OVOL2: variants seen among roughly 807,000 people sequenced by gnomAD.
The protein encoded by OVOL2 is transcription factor Ovo-like 2.
Under a neutral mutation model 18.1 loss-of-function variants are expected in OVOL2, and 13 were observed. That is an observed-to-expected ratio of 0.72 (90% confidence interval 0.47 to 1.14). The LOEUF (loss-of-function observed/expected upper bound fraction) is 1.14. OVOL2 is among the 50% of genes most tolerant of loss of function. The probability of loss-of-function intolerance (pLI) is 0.00; values close to 1 mark genes in which losing one functional copy is unlikely to be tolerated. For synonymous variants in OVOL2, 166 were observed against 162.7 expected, an observed-to-expected ratio of 1.02 and a Z score of -0.16; for missense variants, 335 against 383.0, an observed-to-expected ratio of 0.87 and a Z score of 1.05.
rs139712390 is a variant in OVOL2, at chr20:18,035,630, C to T, written c.511+5904G>A. Among the ~76,000 whole-genome samples, 553 of 152,314 alleles carry T rather than the reference C, an allele frequency of 3.6e-3. 3 individuals carry two copies. Among genetic ancestry groups the T allele is most frequent in the African/African-American group, 0.012 (511 of 41,556 alleles). The stretch of plus-strand genomic sequence containing the variant: ...TTTGGACAGAGCTGAAGAGATGGCT[C>T]GGCAAGCCTGTTCCTCTGAGCTTGC... On this transcript the variant is annotated intron_variant, in intron 3 of 3. Coordinates refer to ENST00000278780, the MANE Select transcript of OVOL2 (RefSeq NM_021220.4).
chr20:18,051,718 G>A (rs1437923813), intron 2 of OVOL2, among the ~76,000 whole-genome samples: 5 of 152,082 alleles, frequency 3.3e-5, no homozygotes, highest in African/African-American at 1.2e-4. Flanking sequence ...TTGAAATGTC[G>A]CTAGTAGGAC....
At chr20:18,025,394 C>T (rs923586563) in intron 3 of OVOL2, among the ~76,000 whole-genome samples, 1 of 152,042 alleles carries the variant, frequency 6.6e-6, no homozygotes, top group African/African-American at 2.4e-5. Context: ...ATGGTGAAAC[C>T]CCGTCTCTAC....
intron 2 of OVOL2, among the ~76,000 whole-genome samples, chr20:18,042,226 T>G (rs903820338): frequency 2.0e-5 from 3 of 151,826 alleles, no homozygotes; most frequent in Non-Finnish European, 4.4e-5. Context: ...TGCTCCCACT[T>G]TTTATTCTCC....
At chr20:18,028,336 C>A (rs6045145) in intron 3 of OVOL2, among the ~76,000 whole-genome samples, 23,480 of 151,660 alleles carry the variant, frequency 0.15, 1,997 homozygotes, top group Middle Eastern at 0.21. Flanking sequence ...GCCACAACAG[C>A]CATCTAATTT....
Position 18,057,575 on chromosome 20 carries a change from A to C in OVOL2, c.60T>G (p.Asp20Glu), listed in dbSNP as rs1469010747. The change falls in exon 1 of 4, where the codon GAT (aspartate) becomes GAG (glutamate). Residue 20 changes from aspartate to glutamate, a missense_variant. Asp to Glu is a conservative substitution (Grantham distance 45, BLOSUM62 2). Transcript: ENST00000278780. The surrounding 1 kb of genome is among the most constrained non-coding windows in gnomAD (Gnocchi z 6.3). ...RSLGVSVRSW[D>E]ELPDEKRADT... ...CTGCCCTTTTCTCATCCGGGAGCTC[A>C]TCCCAGCTGCGGACCGAGACCCCCA... 1 of 1,595,936 alleles carries C rather than the reference A, an allele frequency of 6.3e-7. No individual in the cohort carries two copies. The highest frequency in any genetic ancestry group is 8.5e-7 in the Non-Finnish European group (1 of 1,171,468).
At chr20:18,034,965 TCCTCGGC>T (rs1293935118) in intron 3 of OVOL2, among the ~76,000 whole-genome samples, 1 of 152,086 alleles carries the variant, frequency 6.6e-6, no homozygotes, top group Non-Finnish European at 1.5e-5. Flanking sequence ...CAACAAAGGG[TCCTCGGC>T]CCTGGGTCCT....
rs2036826765 is a variant in OVOL2 at position 18,056,527 on chromosome 20, G to C, written c.321+130C>G. On this transcript the variant is annotated intron_variant, in intron 2 of 3. Coordinates refer to ENST00000278780, the MANE Select transcript of OVOL2 (RefSeq NM_021220.4). This position sits in a 1 kb window ranked among gnomAD's most constrained non-coding sequence, Gnocchi z 4.2. ...CCGCCCAGGGGCAGGTGCAGGAGCG[G>C]CGCGGCGGGCGCGCTCGGGGCGCGG... The C allele has an allele frequency of 9.7e-7, 1 of 1,030,996 alleles. No homozygotes were observed. The highest frequency in any genetic ancestry group is 1.2e-6 in the Non-Finnish European group (1 of 861,050). 63.9% of individuals were successfully genotyped at this position (1,030,996 alleles called of 1,614,324 possible).
At chr20:18,049,687 A>G (rs547197342) in intron 2 of OVOL2, among the ~76,000 whole-genome samples, 1 of 152,312 alleles carries the variant, frequency 6.6e-6, no homozygotes, top group South Asian at 2.1e-4. Context: ...TGAGGCCCAA[A>G]GAGATATGAC....
At chr20:18,050,005 T>G (rs928744433) in intron 2 of OVOL2, among the ~76,000 whole-genome samples, 3 of 152,186 alleles carry the variant, frequency 2.0e-5, no homozygotes, top group East Asian at 1.9e-4. Flanking sequence ...GTTTTGCCAC[T>G]AACAACTTTG....
At chr20:18,027,669 C>T (rs2036532260) in intron 3 of OVOL2, among the ~76,000 whole-genome samples, 1 of 152,010 alleles carries the variant, frequency 6.6e-6, no homozygotes, top group Non-Finnish European at 1.5e-5. Context: ...CATCTCGGCT[C>T]ACTGCAAGCT....
Position 18,024,450 on chromosome 20 carries a change from G to A in OVOL2, c.*186C>T. 1 of 1,300,108 alleles carries A rather than the reference G, an allele frequency of 7.7e-7. No homozygotes were observed. Among genetic ancestry groups the A allele is most frequent in the Non-Finnish European group, 1.0e-6 (1 of 983,424 alleles). 80.5% of individuals were successfully genotyped at this position (1,300,108 alleles called of 1,614,324 possible). ...GCGCCAGACAGGACACAGGTTACAG[G>A]GCCTGACGTCACTAACGGCAACTGA... On this transcript the variant is annotated 3_prime_UTR_variant, in exon 4 of 4. Coordinates refer to ENST00000278780, the MANE Select transcript of OVOL2 (RefSeq NM_021220.4).
rs565210155 is a variant in OVOL2, at chr20:18,026,572, G to A, written c.512-1620C>T. ...AATTTTTTGTATCTTTAGTAGAGACGGGGTTTCACCATGTTAGCCAGAATG... is the reference window on the plus strand; with the variant it reads ...AATTTTTTGTATCTTTAGTAGAGACAGGGTTTCACCATGTTAGCCAGAATG... On this transcript the variant is annotated intron_variant, in intron 3 of 3. Coordinates refer to ENST00000278780, the MANE Select transcript of OVOL2 (RefSeq NM_021220.4). Among the ~76,000 whole-genome samples, 623 of 152,116 alleles carry A rather than the reference G, an allele frequency of 4.1e-3. 1 individual carries two copies. The highest frequency in any genetic ancestry group is 6.0e-3 in the Non-Finnish European group (410 of 67,994).
intron 2 of OVOL2, among the ~76,000 whole-genome samples, chr20:18,045,471 C>T (rs1351772947): frequency 1.3e-5 from 2 of 152,148 alleles, no homozygotes; most frequent in African/African-American, 2.4e-5. Flanking sequence ...GAATGCAATA[C>T]AGATGCCTTC....
intron 3 of OVOL2, among the ~76,000 whole-genome samples, chr20:18,030,003 A>G (rs2036553781): frequency 6.6e-6 from 1 of 151,872 alleles, no homozygotes; most frequent in South Asian, 2.1e-4. Flanking sequence ...AAACAAACCA[A>G]CCCTCACCAA....
intron 3 of OVOL2, among the ~76,000 whole-genome samples, chr20:18,026,153 C>T (rs996107231): frequency 1.8e-4 from 27 of 152,176 alleles, no homozygotes; most frequent in African/African-American, 5.3e-4. Flanking sequence ...AAAGCATTGC[C>T]GCTCCTACCT....
intron 3 of OVOL2, among the ~76,000 whole-genome samples, chr20:18,029,262 C>T (rs1484661414): frequency 6.6e-6 from 1 of 152,088 alleles, no homozygotes; most frequent in Non-Finnish European, 1.5e-5. Context: ...CTCCTGACCT[C>T]AGGAGATCCA....
upstream of OVOL2, chr20:18,057,978 T>TATG: frequency 1.2e-6 from 1 of 866,792 alleles, no homozygotes. The surrounding 1 kb of genome is among the most constrained non-coding windows in gnomAD (Gnocchi z 6.3). Context: ...GTCCGACCGG[T>TATG]TCCGGCGGCC....
At position 18,057,109 on chromosome 20, in the gene OVOL2, G is replaced by T. The variant is rs1179801205; in HGVS notation, c.101-232C>A. Among the ~76,000 whole-genome samples the T allele has an allele frequency of 2.0e-5, 3 of 152,202 alleles. No individual in the cohort carries two copies. The highest frequency in any genetic ancestry group is 4.4e-5 in the Non-Finnish European group (3 of 68,028). ...CCAAGGCGCCCACGAGGAACCGGGC[G>T]GCCACGAGCGGCGGAGGACCCCGCG... On this transcript the variant is annotated intron_variant, in intron 1 of 3. Coordinates refer to ENST00000278780, the MANE Select transcript of OVOL2 (RefSeq NM_021220.4). This position sits in a 1 kb window ranked among gnomAD's most constrained non-coding sequence, Gnocchi z 6.3.
In OVOL2 at chr20:18,057,768, C is replaced by A; in HGVS notation, c.-134G>T. On this transcript the variant is annotated 5_prime_UTR_variant, in exon 1 of 4. Transcript: ENST00000278780. This position sits in a 1 kb window ranked among gnomAD's most constrained non-coding sequence, Gnocchi z 6.3. ...GCCTCGCCTGCCCTCTTCCTCCACC[C>A]CCCGCCGCGGCGCGGCCCAGGCCTC... 2 of 1,410,744 alleles carry A rather than the reference C, an allele frequency of 1.4e-6. No homozygotes were observed. Among genetic ancestry groups the A allele is most frequent in the South Asian group, 3.1e-5 (2 of 64,790 alleles). 87.4% of individuals were successfully genotyped at this position (1,410,744 alleles called of 1,614,324 possible). A position where few individuals can be genotyped will look rare whatever the true frequency, so the allele number is the denominator to read the frequency against.
Sources: gnomAD v4.1 joint callset for allele counts (sites outside exome capture counted in the v4.1 genomes callset) on GRCh38, gnomAD v4.1.1 for gene constraint, Gnocchi (gnomAD v3.1) non-coding constraint, MANE v1.5 for transcripts, NCBI Gene and HGNC (gene_info 2026-07-23, HGNC 2026-07-21) for gene names.